ETV6: variants seen among roughly 807,000 people sequenced by gnomAD.
ETV6 encodes transcription factor ETV6.
In ETV6, 16 loss-of-function variants were observed where a neutral mutation model predicts 51.1. That is an observed-to-expected ratio of 0.31 (90% confidence interval 0.21 to 0.48). The LOEUF is 0.48. ETV6 is among the 20% of genes least tolerant of loss of function. ETV6 has a pLI of 0.99. For missense variants in ETV6, 458 were observed against 594.8 expected, an observed-to-expected ratio of 0.77 and a Z score of 2.39; for synonymous variants, 240 against 224.1, an observed-to-expected ratio of 1.07 and a Z score of -0.64.
chr12:11,791,346 C>T (rs948257303), intron 2 of ETV6, among the ~76,000 whole-genome samples: 2 of 152,228 alleles, frequency 1.3e-5, no homozygotes, highest in African/African-American at 4.8e-5. Flanking sequence ...TTAACTTCCT[C>T]CTCTGATGAA....
At chr12:11,850,072 G>A (rs1321189754) in intron 3 of ETV6, among the ~76,000 whole-genome samples, 1 of 152,022 alleles carries the variant, frequency 6.6e-6, no homozygotes, top group Non-Finnish European at 1.5e-5. Context: ...CCAGGACCTC[G>A]GGTCCATGTT....
intron 2 of ETV6, among the ~76,000 whole-genome samples, chr12:11,812,622 C>T (rs909201890): frequency 5.9e-5 from 9 of 152,090 alleles, no homozygotes; most frequent in South Asian, 2.1e-4. Flanking sequence ...TTACCAGAGG[C>T]GGGTCTCTTC....
intron 1 of ETV6, among the ~76,000 whole-genome samples, chr12:11,701,220 C>T (rs1864974407): frequency 6.6e-6 from 1 of 152,138 alleles, no homozygotes; most frequent in Non-Finnish European, 1.5e-5. Context: ...GTGCAACCAT[C>T]AGCGCTCTCC....
chr12:11,791,273 C>T (rs1006723740), intron 2 of ETV6, among the ~76,000 whole-genome samples: 10 of 152,022 alleles, frequency 6.6e-5, no homozygotes, highest in Non-Finnish European at 1.5e-4. Flanking sequence ...TAGATTTGTG[C>T]CTTCTTAAAA....
At chr12:11,778,193 A>G (rs1416891062) in intron 2 of ETV6, among the ~76,000 whole-genome samples, 4 of 152,196 alleles carry the variant, frequency 2.6e-5, no homozygotes, top group African/African-American at 7.2e-5. Flanking sequence ...TATCTCATGC[A>G]GTTATTGTGA....
rs113768037 is a variant in ETV6 at position 11,853,128 on chromosome 12, A to C, written c.329-299A>C. Among the ~76,000 whole-genome samples, 6,361 of 152,334 alleles carry C rather than the reference A, an allele frequency of 0.042. 176 individuals carry two copies. The highest frequency in any genetic ancestry group is 0.061 in the Non-Finnish European group (4,151 of 68,006). ...CTTGAGCCTGGGAGGTGGAGGTTGT[A>C]GTGAGCCGAGATCGTGCCTCTGCAC... On this transcript the variant is annotated intron_variant, in intron 3 of 7. Coordinates refer to ENST00000396373, the MANE Select transcript of ETV6 (RefSeq NM_001987.5).
chr12:11,687,415 C>T (rs997939523), intron 1 of ETV6, among the ~76,000 whole-genome samples: 1 of 152,050 alleles, frequency 6.6e-6, no homozygotes, highest in Non-Finnish European at 1.5e-5. Context: ...CTCCTGAATT[C>T]AGATGATCCA....
At chr12:11,738,477 T>G (rs1447422907) in intron 1 of ETV6, among the ~76,000 whole-genome samples, 3 of 151,528 alleles carry the variant, frequency 2.0e-5, no homozygotes, top group African/African-American at 7.3e-5. Context: ...CGACTAATTT[T>G]TAATTTTTTT....
chr12:11,752,682 T>C (rs1205988638), intron 2 of ETV6, 103 bp downstream of exon 2: 3 of 1,412,128 alleles, frequency 2.1e-6, no homozygotes, highest in Non-Finnish European at 2.8e-6. Context: ...GAGGTGGTTT[T>C]CACAGGACTT....
intron 2 of ETV6, among the ~76,000 whole-genome samples, chr12:11,758,930 T>G (rs966311657): frequency 6.6e-6 from 1 of 152,206 alleles, no homozygotes; most frequent in African/African-American, 2.4e-5. Flanking sequence ...TGCTTGAAGC[T>G]TTCTACTTTC....
intron 1 of ETV6, among the ~76,000 whole-genome samples, chr12:11,743,554 A>G (rs1865850385): frequency 6.6e-6 from 1 of 152,134 alleles, no homozygotes; most frequent in Non-Finnish European, 1.5e-5. Flanking sequence ...GCAGTGGGGT[A>G]GTATCAAGTA....
intron 1 of ETV6, among the ~76,000 whole-genome samples, chr12:11,714,301 C>T (rs534784960): frequency 6.6e-6 from 1 of 152,362 alleles, no homozygotes; most frequent in South Asian, 2.1e-4. Context: ...TAACGGCTCT[C>T]TCTTGCTCTT....
chr12:11,836,563 G>A (rs1311482038), intron 2 of ETV6, among the ~76,000 whole-genome samples: 20 of 152,160 alleles, frequency 1.3e-4, no homozygotes. Context: ...AGTGAAAAGA[G>A]AAACTGTTGT....
At chr12:11,677,069 G>A (rs2120726114) in intron 1 of ETV6, among the ~76,000 whole-genome samples, 1 of 152,346 alleles carries the variant, frequency 6.6e-6, no homozygotes, top group East Asian at 1.9e-4. Flanking sequence ...CAGTGGTTTG[G>A]TTTTTAAATT....
At chr12:11,775,856 G>A (rs528363870) in intron 2 of ETV6, among the ~76,000 whole-genome samples, 4 of 152,320 alleles carry the variant, frequency 2.6e-5, no homozygotes, top group East Asian at 3.9e-4. Context: ...TTCCATACAC[G>A]TCAATATGTT....
At chr12:11,656,679 T>A (rs1252051502) in intron 1 of ETV6, among the ~76,000 whole-genome samples, 1 of 151,878 alleles carries the variant, frequency 6.6e-6, no homozygotes, top group Admixed American at 6.6e-5. Flanking sequence ...CTTTTCCTTG[T>A]GTTTTTCTTG....
chr12:11,702,942 C>T (rs1456018324), intron 1 of ETV6, among the ~76,000 whole-genome samples: 1 of 152,088 alleles, frequency 6.6e-6, no homozygotes, highest in East Asian at 1.9e-4. Flanking sequence ...CCTGTTGATA[C>T]AAAAAATACA....
chr12:11,831,775 G>A (rs185806663), intron 2 of ETV6, among the ~76,000 whole-genome samples: 3 of 152,192 alleles, frequency 2.0e-5, no homozygotes, highest in Admixed American at 2.0e-4. Context: ...CATAGATATT[G>A]TCAGTAACTA....
chr12:11,738,468 G>A (rs1055699965), intron 1 of ETV6, among the ~76,000 whole-genome samples: 1 of 151,348 alleles, frequency 6.6e-6, no homozygotes, highest in Non-Finnish European at 1.5e-5. Context: ...CACCATGCCC[G>A]ACTAATTTTT....
Sources: gnomAD v4.1 joint callset for allele counts (sites outside exome capture counted in the v4.1 genomes callset) on GRCh38, gnomAD v4.1.1 for gene constraint, MANE v1.5 for transcripts, NCBI Gene and HGNC (gene_info 2026-07-23, HGNC 2026-07-21) for gene names.